The following SHANK2 variants were observed in gnomAD, a reference collection of about 807,000 sequenced individuals.
SHANK2 encodes SH3 and multiple ankyrin repeat domains protein 2.
A neutral mutation model predicts 133.7 loss-of-function variants in SHANK2; 43 were observed. That is an observed-to-expected ratio of 0.32 (90% CI 0.25 to 0.41). The LOEUF is 0.41. Ranked by LOEUF, SHANK2 falls within the 10% of genes least tolerant of loss-of-function variation. The pLI, the probability that SHANK2 is intolerant of heterozygous loss-of-function variation, is 1.00. For synonymous variants in SHANK2, 1,017 were observed against 952.8 expected (o/e 1.07, Z -1.24); for missense variants, 1,994 against 2,235.8 (o/e 0.89, Z 2.18).
rs576540538 is a variant in SHANK2, at chr11:70,916,502, C to T, written c.1108-19935G>A. Among the ~76,000 whole-genome samples, 46 of 152,214 alleles carry T rather than the reference C, an allele frequency of 3.0e-4. 1 individual carries two copies. Among genetic ancestry groups the T allele is most frequent in the Non-Finnish European group, 5.6e-4 (38 of 68,024 alleles). ...TCAGTCACTCATGTGTATGTGTGTG[C>T]GTGTACACACACACACAGCTGCCCC... On this transcript the variant is annotated intron_variant, in intron 10 of 25. Transcript: ENST00000601538.
chr11:70,491,651 T>C (rs2058888671), intron 22 of SHANK2, among the ~76,000 whole-genome samples: 1 of 152,246 alleles, frequency 6.6e-6, no homozygotes, highest in Non-Finnish European at 1.5e-5. Context: ...TAGGCAGTGC[T>C]AGAATCTGAC....
intron 14 of SHANK2, among the ~76,000 whole-genome samples, chr11:70,745,492 C>G (rs782365043): frequency 8.1e-4 from 123 of 152,380 alleles, no homozygotes; most frequent in Non-Finnish European, 1.5e-3. Flanking sequence ...AAAACACAGT[C>G]TTGGCTGTGT....
chr11:70,567,678 G>C (rs1221813593), intron 17 of SHANK2, among the ~76,000 whole-genome samples: 1 of 151,848 alleles, frequency 6.6e-6, no homozygotes, highest in African/African-American at 2.4e-5. Context: ...GACACACATA[G>C]ACAGACGACT....
chr11:70,640,850 G>A (rs1197714000), intron 17 of SHANK2, among the ~76,000 whole-genome samples: 2 of 152,194 alleles, frequency 1.3e-5, no homozygotes, highest in Non-Finnish European at 2.9e-5. Flanking sequence ...AGGAAGAATC[G>A]AGGCGACTGC....
intron 17 of SHANK2, among the ~76,000 whole-genome samples, chr11:70,632,427 T>C (rs1555002566): frequency 6.6e-6 from 1 of 152,152 alleles, no homozygotes; most frequent in African/African-American, 2.4e-5. Context: ...TCCCTGCTCC[T>C]GGTTCCATCA....
At chr11:71,078,323 GAATA>G (rs1263108800) in intron 8 of SHANK2, among the ~76,000 whole-genome samples, 3 of 151,938 alleles carry the variant, frequency 2.0e-5, no homozygotes, top group African/African-American at 4.8e-5. Flanking sequence ...GTAAATATAT[GAATA>G]AATAAACAAG....
intron 6 of SHANK2, among the ~76,000 whole-genome samples, chr11:71,104,042 T>C (rs553222183): frequency 1.3e-5 from 2 of 152,088 alleles, no homozygotes; most frequent in South Asian, 2.1e-4. Context: ...CAGCTTCCTG[T>C]ACAGCCTGCA....
intron 8 of SHANK2, among the ~76,000 whole-genome samples, chr11:71,075,496 G>A (rs1458466046): frequency 6.6e-6 from 1 of 152,202 alleles, no homozygotes; most frequent in Non-Finnish European, 1.5e-5. Context: ...AGACCTTCAT[G>A]GTGGGATTGG....
At chr11:70,731,394 C>A (rs1032234299) in intron 14 of SHANK2, among the ~76,000 whole-genome samples, 2 of 152,218 alleles carry the variant, frequency 1.3e-5, no homozygotes, top group Non-Finnish European at 2.9e-5. Flanking sequence ...TCCAGGCTGA[C>A]TGACATACTC....
intron 11 of SHANK2, among the ~76,000 whole-genome samples, chr11:70,860,939 T>C (rs1485952371): frequency 6.6e-6 from 1 of 152,232 alleles, no homozygotes; most frequent in Non-Finnish European, 1.5e-5. Flanking sequence ...AAATTCTTTC[T>C]GCAGGAGCCG....
At chr11:70,648,760 G>A (rs911119281) in intron 17 of SHANK2, among the ~76,000 whole-genome samples, 2 of 152,196 alleles carry the variant, frequency 1.3e-5, no homozygotes, top group Admixed American at 1.3e-4. Context: ...AGAGGGGGAA[G>A]GGGTTTGGGA....
chr11:70,851,971 G>T (rs1162076592), intron 11 of SHANK2, among the ~76,000 whole-genome samples: 1 of 152,196 alleles, frequency 6.6e-6, no homozygotes, highest in Non-Finnish European at 1.5e-5. Flanking sequence ...ATGAAACTCT[G>T]CCAGGCAGTC....
intron 1 of SHANK2, among the ~76,000 whole-genome samples, chr11:71,227,965 A>G (rs1954670166): frequency 1.3e-5 from 2 of 152,142 alleles, no homozygotes; most frequent in Non-Finnish European, 2.9e-5. Context: ...TCAGTGAAAC[A>G]ATAAGCTGAC....
At chr11:71,095,479 C>T (rs191505335) in intron 6 of SHANK2, among the ~76,000 whole-genome samples, 1 of 152,366 alleles carries the variant, frequency 6.6e-6, no homozygotes, top group East Asian at 1.9e-4. Context: ...ATTTGAGAGG[C>T]TCTTAACGTT....
chr11:71,223,126 G>A (rs1224174647), intron 2 of SHANK2, among the ~76,000 whole-genome samples: 3 of 152,228 alleles, frequency 2.0e-5, no homozygotes, highest in Admixed American at 6.5e-5. Context: ...GAGAGAGTCC[G>A]ACTGCATTTC....
rs781800489 is a variant in SHANK2 at position 70,486,178 on chromosome 11, C to T, written c.4115G>A (p.Gly1372Asp). ...GGAGCCCACCGCGACGATGGTTCTG[C>T]CGGGCACGGTGGTGGGCTCGGGGGC... ...SAAPEPTTVP[G>D]RTIVAVGSME... is the part of the protein sequence containing the mutation. The change falls in exon 25 of 26, where the codon GGC (glycine) becomes GAC (aspartate). Residue 1372 changes from glycine to aspartate, a missense_variant. Around this residue, in one of 5 missense-constraint regions of SHANK2, gnomAD observed 797 missense variants for 907.4 expected, o/e 0.88. Transcript: ENST00000601538. The surrounding 1 kb of genome is among the most constrained non-coding windows in gnomAD (Gnocchi z 8.0). The T allele has an allele frequency of 6.2e-7, 1 of 1,613,306 alleles. No homozygotes were observed. The highest frequency in any genetic ancestry group is 1.1e-5 in the South Asian group (1 of 91,070).
intron 23 of SHANK2, 25 bp from the exon 24 acceptor site, chr11:70,489,373 T>G: frequency 6.2e-7 from 1 of 1,613,264 alleles, no homozygotes; most frequent in Non-Finnish European, 8.5e-7. Flanking sequence ...TCAGTTGTTA[T>G]TAACCAGTAA....
chr11:70,933,081 T>C, intron 10 of SHANK2: 1 of 456,002 alleles, frequency 2.2e-6, no homozygotes, highest in Non-Finnish European at 4.4e-6. Context: ...CACAGCAGCA[T>C]GATTCACACT....
chr11:70,494,694 C>T (rs1046201973), intron 21 of SHANK2, among the ~76,000 whole-genome samples: 1 of 152,208 alleles, frequency 6.6e-6, no homozygotes, highest in Non-Finnish European at 1.5e-5. Flanking sequence ...CCATGGGGCC[C>T]TTCAGGGAGG....
Sources: allele counts gnomAD v4.1 joint callset (sites outside exome capture counted in the v4.1 genomes callset), GRCh38; gene constraint gnomAD v4.1.1; regional missense constraint gnomAD v4.1.1; non-coding constraint Gnocchi (gnomAD v3.1); transcripts MANE v1.5; gene names NCBI Gene and HGNC (gene_info 2026-07-23, HGNC 2026-07-21).